DNAJC12: variants seen among roughly 807,000 people sequenced by gnomAD.
The protein encoded by DNAJC12 is dnaJ homolog subfamily C member 12.
A neutral mutation model predicts 28.5 loss-of-function variants in DNAJC12; 25 were observed. The observed-to-expected ratio is 0.88, with a 90% CI of 0.64 to 1.22. The LOEUF (loss-of-function observed/expected upper bound fraction) is 1.22. DNAJC12 is among the 50% of genes most tolerant of loss of function. The probability of loss-of-function intolerance (pLI) is 0.00; values close to 1 mark genes in which losing one functional copy is unlikely to be tolerated. For missense variants in DNAJC12, 222 were observed against 231.7 expected, an observed-to-expected ratio of 0.96 and a Z score of 0.27; for synonymous variants, 77 against 80.6, an observed-to-expected ratio of 0.95 and a Z score of 0.24.
At chr10:67,813,215 T>C (rs911237951) in intron 2 of DNAJC12, among the ~76,000 whole-genome samples, 36 of 151,782 alleles carry the variant, frequency 2.4e-4, no homozygotes, top group Admixed American at 2.2e-3. Flanking sequence ...AGAAGACAAT[T>C]AGCTAGGCAT....
At position 67,806,205 on chromosome 10, in the gene DNAJC12, C is replaced by T. The variant is rs925947806; in HGVS notation, c.298-418G>A. Among the ~76,000 whole-genome samples the T allele has an allele frequency of 1.3e-4, 20 of 152,282 alleles. No homozygotes were observed. In the East Asian group the frequency reaches 2.1e-3, roughly 16 times the overall value. On this transcript the variant is annotated intron_variant, in intron 3 of 4. Coordinates refer to ENST00000225171, the MANE Select transcript of DNAJC12 (RefSeq NM_021800.3). Reference sequence around the variant, plus strand: ...ATAATGCATAACTATTTCTTAAAACCTCATCGGGATATTGTGGGAAGCTAT... The same window carrying T: ...ATAATGCATAACTATTTCTTAAAACTTCATCGGGATATTGTGGGAAGCTAT...
chr10:67,819,291 C>T (rs866460188), intron 2 of DNAJC12, among the ~76,000 whole-genome samples: 8 of 151,454 alleles, frequency 5.3e-5, no homozygotes, highest in Non-Finnish European at 2.9e-5. Flanking sequence ...CAAGAGATAG[C>T]GCCACTGTAC....
At chr10:67,825,555 T>G (rs1842021078) in intron 1 of DNAJC12, 1 of 152,330 alleles carries the variant, frequency 6.6e-6, no homozygotes, top group South Asian at 2.1e-4. Flanking sequence ...TGCTTCAGCC[T>G]CCCAAGGAGC....
intron 3 of DNAJC12, among the ~76,000 whole-genome samples, chr10:67,807,508 C>T (rs577099853): frequency 1.3e-5 from 2 of 151,820 alleles, no homozygotes; most frequent in African/African-American, 4.8e-5. Context: ...AAAAAAATGA[C>T]TTTTGTTTGG....
At chr10:67,818,113 G>T (rs557555660) in intron 2 of DNAJC12, among the ~76,000 whole-genome samples, 1 of 92,354 alleles carries the variant, frequency 1.1e-5, no homozygotes, top group South Asian at 3.1e-4. Context: ...GCTGAGGTGG[G>T]AGAACTGCTT....
chr10:67,831,789 A>G (rs1205468568), intron 1 of DNAJC12, among the ~76,000 whole-genome samples: 2 of 152,054 alleles, frequency 1.3e-5, no homozygotes, highest in Non-Finnish European at 2.9e-5. Flanking sequence ...TCCCCACCCT[A>G]TGTCACTTCT....
intron 4 of DNAJC12, among the ~76,000 whole-genome samples, chr10:67,801,020 A>T (rs1331064524): frequency 6.6e-6 from 1 of 152,228 alleles, no homozygotes. Context: ...TGTATTTATC[A>T]GAAGACATAT....
chr10:67,824,034 G>A (rs932526646), intron 1 of DNAJC12, among the ~76,000 whole-genome samples: 20 of 151,928 alleles, frequency 1.3e-4, no homozygotes, highest in Admixed American at 5.9e-4. Context: ...TTAGGAGTTC[G>A]AGGCCAGCCT....
At chr10:67,821,697 A>G (rs949398476) in intron 2 of DNAJC12, among the ~76,000 whole-genome samples, 1 of 152,180 alleles carries the variant, frequency 6.6e-6, no homozygotes, top group African/African-American at 2.4e-5. Flanking sequence ...AAAAAGAAAA[A>G]TCTGCAATGA....
intron 2 of DNAJC12, among the ~76,000 whole-genome samples, chr10:67,815,438 G>A (rs557219883): frequency 6.7e-6 from 1 of 149,766 alleles, no homozygotes; most frequent in South Asian, 2.1e-4. Context: ...AACCCAGGAG[G>A]TGGAGGTTTC....
At chr10:67,820,390 A>G (rs999032622) in intron 2 of DNAJC12, among the ~76,000 whole-genome samples, 5 of 152,214 alleles carry the variant, frequency 3.3e-5, no homozygotes, top group South Asian at 4.1e-4. Flanking sequence ...GTGTGATTCT[A>G]TTTATATGAA....
intron 2 of DNAJC12, among the ~76,000 whole-genome samples, chr10:67,815,236 C>T (rs1240201949): frequency 1.3e-5 from 2 of 152,034 alleles, no homozygotes; most frequent in East Asian, 3.9e-4. Flanking sequence ...AGGCTGGGCA[C>T]GGTGGCTTAC....
intron 4 of DNAJC12, among the ~76,000 whole-genome samples, chr10:67,804,394 G>A (rs1841778379): frequency 1.3e-5 from 2 of 152,118 alleles, no homozygotes; most frequent in African/African-American, 4.8e-5. Flanking sequence ...TGTCACCCAG[G>A]ATGGAATGCA....
chr10:67,798,859 G>A (rs1237130460), intron 4 of DNAJC12, among the ~76,000 whole-genome samples: 2 of 148,380 alleles, frequency 1.3e-5, no homozygotes, highest in Middle Eastern at 3.3e-3. Context: ...TCCGCCTCCC[G>A]GGTTCAAGCG....
intron 1 of DNAJC12, among the ~76,000 whole-genome samples, chr10:67,828,240 T>C (rs566966060): frequency 2.2e-4 from 33 of 152,280 alleles, no homozygotes; most frequent in African/African-American, 7.2e-4. Context: ...GTATAGACTT[T>C]CTTGAAAAAA....
At chr10:67,830,600 T>G (rs1043430142) in intron 1 of DNAJC12, among the ~76,000 whole-genome samples, 2 of 147,438 alleles carry the variant, frequency 1.4e-5, no homozygotes, top group Non-Finnish European at 3.0e-5. Context: ...AGAGCAAGAC[T>G]CCGTCTCAAA....
chr10:67,807,247 C>A (rs551833259), intron 3 of DNAJC12, among the ~76,000 whole-genome samples: 1 of 150,994 alleles, frequency 6.6e-6, no homozygotes, highest in African/African-American at 2.4e-5. Context: ...GGTGACAGAG[C>A]GAGATTCTGT....
intron 2 of DNAJC12, among the ~76,000 whole-genome samples, chr10:67,820,368 A>G (rs1483472127): frequency 1.2e-4 from 18 of 152,212 alleles, no homozygotes; most frequent in Non-Finnish European, 1.5e-5. Context: ...TACACACAAA[A>G]GAGTACATAC....
intron 4 of DNAJC12, among the ~76,000 whole-genome samples, chr10:67,801,899 T>C: frequency 8.1e-6 from 1 of 123,122 alleles, no homozygotes; most frequent in Admixed American, 9.9e-5. Flanking sequence ...TCTTGCTCTA[T>C]CACCCAGGCT....
Sources: allele counts gnomAD v4.1 joint callset (sites outside exome capture counted in the v4.1 genomes callset), GRCh38; gene constraint gnomAD v4.1.1; transcripts MANE v1.5; gene names NCBI Gene and HGNC (gene_info 2026-07-23, HGNC 2026-07-21).